NUP37: variants seen among roughly 807,000 people sequenced by gnomAD.
NUP37 encodes the protein nucleoporin Nup37.
In NUP37, 33 loss-of-function variants were observed where a neutral mutation model predicts 45.4. The ratio of observed to expected loss-of-function variants is 0.73; its 90% CI spans 0.55 to 0.97. The LOEUF is 0.97. Among genes scored for constraint, NUP37 ranks in the 50% least tolerant of loss-of-function variants. NUP37 has a pLI of 0.00. For missense variants in NUP37, 365 were observed against 389.7 expected, an observed-to-expected ratio of 0.94 and a Z score of 0.53; for synonymous variants, 127 against 130.7, an observed-to-expected ratio of 0.97 and a Z score of 0.19.
rs1423423576 is a variant in NUP37, at chr12:102,090,514, A to C, written c.450-4658T>G. Among the ~76,000 whole-genome samples, 5 of 152,214 alleles carry C rather than the reference A, an allele frequency of 3.3e-5. No homozygotes were observed. In the East Asian group the frequency reaches 9.6e-4, roughly 29 times the overall value. On this transcript the variant is annotated intron_variant, in intron 5 of 9. Coordinates refer to ENST00000552283, the MANE Select transcript of NUP37 (RefSeq NM_024057.4). Reference sequence around the variant, plus strand: ...CCCATGCTTATTAATGTAATTACATAATATTACATAAACTGACAAAATATG... The same window carrying C: ...CCCATGCTTATTAATGTAATTACATCATATTACATAAACTGACAAAATATG...
rs573414426 is a variant in NUP37, at chr12:102,080,954, C to T, written c.541-3451G>A. ...GGGCTAAGTCTACCTGAGCCTGGTC[C>T]GAAGGTAGTAGGGGCAATGAACAAT... On this transcript the variant is annotated intron_variant, in intron 6 of 9. Coordinates refer to ENST00000552283, the MANE Select transcript of NUP37 (RefSeq NM_024057.4). 7.9e-5 allele frequency among the ~76,000 whole-genome samples: 12 copies of T among 152,196 alleles called. No homozygotes were observed. The East Asian group carries it at 1.9e-3, about 24-fold the overall frequency.
chr12:102,105,079 T>G (rs1025836385), intron 3 of NUP37, among the ~76,000 whole-genome samples: 26 of 152,234 alleles, frequency 1.7e-4, no homozygotes, highest in Admixed American at 1.3e-3. Context: ...CAGGCTGTCT[T>G]TCTATTTATT....
At chr12:102,108,272 T>C (rs1456543221) in intron 3 of NUP37, among the ~76,000 whole-genome samples, 3 of 138,706 alleles carry the variant, frequency 2.2e-5, no homozygotes, top group South Asian at 5.1e-4. Context: ...AGGAGATGAC[T>C]TGCTGAGTCT....
In NUP37 at chr12:102,088,622, TTC is replaced by T. The variant is rs1411897427; in HGVS notation, c.450-2768_450-2767del. Among the ~76,000 whole-genome samples the T allele has an allele frequency of 5.3e-5, 8 of 152,284 alleles. No individual in the cohort carries two copies. The East Asian group carries it at 1.5e-3, about 29-fold the overall frequency. On this transcript the variant is annotated intron_variant, in intron 5 of 9. Coordinates refer to ENST00000552283, the MANE Select transcript of NUP37 (RefSeq NM_024057.4). ...ATGTTACGTATTTTCTTGGTCTGAC[TTC>T]TTTTACTCATCATTAGGTTTTGTGA...
intron 2 of NUP37, among the ~76,000 whole-genome samples, chr12:102,116,770 T>C (rs1880474416): frequency 6.6e-6 from 1 of 151,932 alleles, no homozygotes; most frequent in Non-Finnish European, 1.5e-5. Flanking sequence ...TTTGGGAGGC[T>C]GAGGCGGGCG....
intron 5 of NUP37, among the ~76,000 whole-genome samples, chr12:102,087,011 G>A (rs965656506): frequency 6.6e-6 from 1 of 152,174 alleles, no homozygotes; most frequent in African/African-American, 2.4e-5. Flanking sequence ...GACGTGGGAG[G>A]ATTGCTTGAG....
intron 5 of NUP37, among the ~76,000 whole-genome samples, chr12:102,091,099 T>G (rs1270100141): frequency 6.6e-6 from 1 of 152,092 alleles, no homozygotes; most frequent in East Asian, 1.9e-4. Context: ...GAGAAATGCT[T>G]TAAAAGCTCA....
chr12:102,079,262 T>C (rs570452347), intron 6 of NUP37: 2 of 455,664 alleles, frequency 4.4e-6, no homozygotes, highest in Non-Finnish European at 8.8e-6. Context: ...ACTTACTGTA[T>C]GGCTAAAATG....
At chr12:102,091,484 A>G (rs1265214959) in intron 5 of NUP37, among the ~76,000 whole-genome samples, 1 of 151,946 alleles carries the variant, frequency 6.6e-6, no homozygotes, top group Admixed American at 6.5e-5. Flanking sequence ...TAAGCATATG[A>G]AAAGATGATA....
At chr12:102,110,407 G>A (rs571836073) in intron 3 of NUP37, among the ~76,000 whole-genome samples, 7 of 151,852 alleles carry the variant, frequency 4.6e-5, no homozygotes, top group African/African-American at 1.2e-4. Flanking sequence ...AGGCGGAGGT[G>A]AGAGGGAGGG....
chr12:102,089,377 G>A (rs1879574390), intron 5 of NUP37, among the ~76,000 whole-genome samples: 1 of 147,904 alleles, frequency 6.8e-6, no homozygotes, highest in Non-Finnish European at 1.5e-5. Context: ...GCCGGGCAGA[G>A]GCACTCCTCA....
At chr12:102,078,513 C>T (rs1032147465) in intron 6 of NUP37, among the ~76,000 whole-genome samples, 1 of 152,142 alleles carries the variant, frequency 6.6e-6, no homozygotes, top group Non-Finnish European at 1.5e-5. Flanking sequence ...ATGTGTTACA[C>T]ATACTTATGC....
At chr12:102,080,933 TAA>T (rs1418914278) in intron 6 of NUP37, among the ~76,000 whole-genome samples, 1 of 152,236 alleles carries the variant, frequency 6.6e-6, no homozygotes, top group Non-Finnish European at 1.5e-5. Context: ...ACGGAAGGGC[TAA>T]GTCTACCTGA....
chr12:102,097,120 C>T (rs1319867203), intron 5 of NUP37, among the ~76,000 whole-genome samples: 1 of 152,056 alleles, frequency 6.6e-6, no homozygotes, highest in Non-Finnish European at 1.5e-5. Flanking sequence ...TAGCAAATGA[C>T]AGAGCACAGG....
chr12:102,089,653 G>A (rs566743132), intron 5 of NUP37, among the ~76,000 whole-genome samples: 3 of 138,376 alleles, frequency 2.2e-5, no homozygotes, highest in South Asian at 2.4e-4. Flanking sequence ...GAGCGGCTGG[G>A]CAGAGGCGCT....
intron 2 of NUP37, among the ~76,000 whole-genome samples, 187 bp from the exon 3 acceptor site, chr12:102,112,419 A>G (rs1026720173): frequency 1.3e-5 from 2 of 152,230 alleles, no homozygotes; most frequent in Admixed American, 1.3e-4. Flanking sequence ...AAGCCTCACA[A>G]AATAACTCTC....
intron 3 of NUP37, among the ~76,000 whole-genome samples, chr12:102,111,340 C>T (rs1056413736): frequency 6.6e-6 from 1 of 152,126 alleles, no homozygotes; most frequent in African/African-American, 2.4e-5. Flanking sequence ...GTGACAGAAA[C>T]AGTGCATGAA....
chr12:102,115,804 TTTAC>T (rs1455876541), intron 2 of NUP37: 1 of 981,536 alleles, frequency 1.0e-6, no homozygotes, highest in Non-Finnish European at 1.2e-6. Flanking sequence ...TTAATTTACC[TTTAC>T]TTAGTTTTCT....
intron 5 of NUP37, among the ~76,000 whole-genome samples, chr12:102,089,713 G>A (rs1879592290): frequency 6.7e-6 from 1 of 149,722 alleles, no homozygotes; most frequent in South Asian, 2.1e-4. Flanking sequence ...TCACTTCCCA[G>A]ACGAGGCGGC....
Sources: gnomAD v4.1 joint callset for allele counts (sites outside exome capture counted in the v4.1 genomes callset) on GRCh38, gnomAD v4.1.1 for gene constraint, MANE v1.5 for transcripts, NCBI Gene and HGNC (gene_info 2026-07-23, HGNC 2026-07-21) for gene names.